SCYL2: variants seen among roughly 807,000 people sequenced by gnomAD.
SCYL2 encodes the protein SCY1-like protein 2.
A neutral mutation model predicts 100.4 loss-of-function variants in SCYL2; 36 were observed. The observed-to-expected ratio is 0.36, with a 90% CI of 0.27 to 0.47. The LOEUF (loss-of-function observed/expected upper bound fraction) is 0.47, where lower values mean the gene tolerates loss of function less well. Among genes scored for constraint, SCYL2 ranks in the 20% least tolerant of loss-of-function variants. SCYL2 has a pLI of 1.00. For synonymous variants in SCYL2, 330 were observed against 359.2 expected (o/e 0.92, Z 0.92); for missense variants, 902 against 1,083.9 (o/e 0.83, Z 2.36).
At chr12:100,308,415 C>T (rs1218078909) in intron 4 of SCYL2, among the ~76,000 whole-genome samples, 1 of 152,106 alleles carries the variant, frequency 6.6e-6, no homozygotes. Context: ...CATGTTCTCA[C>T]TTATAAGTGG....
intron 4 of SCYL2, among the ~76,000 whole-genome samples, chr12:100,305,741 G>C (rs1178185001): frequency 8.7e-6 from 1 of 115,596 alleles, no homozygotes; most frequent in Non-Finnish European, 1.8e-5. Flanking sequence ...TTTTTTTAAA[G>C]ATTAACAAAA....
chr12:100,288,095 A>C (rs895424215), intron 2 of SCYL2, among the ~76,000 whole-genome samples: 31 of 152,324 alleles, frequency 2.0e-4, no homozygotes, highest in Admixed American at 1.8e-3. Flanking sequence ...TTCTGATGAA[A>C]GGCTTTGTAC....
At chr12:100,296,351 T>G (rs1375257393) in intron 3 of SCYL2, among the ~76,000 whole-genome samples, 2 of 152,138 alleles carry the variant, frequency 1.3e-5, no homozygotes, top group Non-Finnish European at 2.9e-5. Context: ...AGTCCAGAGT[T>G]GGTGATGTAT....
At chr12:100,291,153 C>T (rs999636562) in intron 2 of SCYL2, among the ~76,000 whole-genome samples, 2 of 152,152 alleles carry the variant, frequency 1.3e-5, no homozygotes, top group Non-Finnish European at 2.9e-5. Flanking sequence ...GTATACTTCA[C>T]GATTATCATT....
intron 12 of SCYL2, chr12:100,327,064 A>G: frequency 3.2e-6 from 1 of 313,980 alleles, no homozygotes. Context: ...TGGTCTTAGT[A>G]GTAATATCTG....
chr12:100,325,848 C>G (rs2096361129), intron 11 of SCYL2, among the ~76,000 whole-genome samples: 1 of 151,864 alleles, frequency 6.6e-6, no homozygotes, highest in Non-Finnish European at 1.5e-5. Context: ...TTTATAATAT[C>G]TCTTGTGTTT....
chr12:100,272,059 T>G (rs2096288243), intron 1 of SCYL2, among the ~76,000 whole-genome samples: 1 of 152,158 alleles, frequency 6.6e-6, no homozygotes, highest in African/African-American at 2.4e-5. Context: ...CTGGTTCTAT[T>G]GAAAGCCAGG....
chr12:100,298,613 G>C (rs775610932), intron 4 of SCYL2, among the ~76,000 whole-genome samples: 1 of 150,336 alleles, frequency 6.7e-6, no homozygotes, highest in Non-Finnish European at 1.5e-5. Context: ...GCAATGGCAC[G>C]ATCTCAGCTC....
At chr12:100,309,106 TTG>T (rs143410251) in intron 4 of SCYL2, among the ~76,000 whole-genome samples, 7,956 of 147,514 alleles carry the variant, frequency 0.054, 287 homozygotes, top group African/African-American at 0.1. Context: ...GTATTTTGAT[TTG>T]TGTGTGTGTG....
intron 1 of SCYL2, among the ~76,000 whole-genome samples, chr12:100,271,457 A>G (rs2096287628): frequency 6.6e-6 from 1 of 152,216 alleles, no homozygotes; most frequent in African/African-American, 2.4e-5. Flanking sequence ...ACAAAAATTC[A>G]TTGAATAACT....
chr12:100,322,462 A>G (rs2096357250), intron 10 of SCYL2, among the ~76,000 whole-genome samples: 1 of 152,072 alleles, frequency 6.6e-6, no homozygotes, highest in Admixed American at 6.5e-5. Context: ...AAAATTATTA[A>G]ACACTCTTTT....
chr12:100,280,260 T>C (rs1052659373), intron 1 of SCYL2, among the ~76,000 whole-genome samples: 2 of 152,252 alleles, frequency 1.3e-5, no homozygotes, highest in Non-Finnish European at 2.9e-5. Context: ...AGTAATATTT[T>C]TAAATGTATG....
In SCYL2 at chr12:100,296,617, TTAC is replaced by T. The variant is rs1409230019; in HGVS notation, c.336-1413_336-1411del. ...GAAGATAAGGACAGAGAAGAATCCA[TTAC>T]ATTTGACCAGTGAGAAGTTGTTAGT... is the stretch of plus-strand genomic sequence containing the variant. On this transcript the variant is annotated intron_variant, in intron 3 of 17. Transcript: ENST00000360820. 6 of 152,290 alleles carry T rather than the reference TTAC, an allele frequency of 3.9e-5. 1 individual carries two copies. The Middle Eastern group carries it at 0.014, about 345-fold the overall frequency. The allele number at this position is 152,290 out of a possible 1,614,324, so 9.4% of individuals were successfully genotyped here.
At chr12:100,329,378 A>C (rs1952180276) in intron 13 of SCYL2, 59 bp downstream of exon 13, 1 of 743,284 alleles carries the variant, frequency 1.3e-6, no homozygotes, top group African/African-American at 1.7e-5. Flanking sequence ...TTGGCATTAG[A>C]TATATAAATA....
chr12:100,292,837 G>C (rs1375222300), intron 3 of SCYL2, among the ~76,000 whole-genome samples: 1 of 152,094 alleles, frequency 6.6e-6, no homozygotes, highest in Non-Finnish European at 1.5e-5. Context: ...GATTGATCGA[G>C]ACAAGAGTCT....
At chr12:100,306,664 A>G (rs2096334737) in intron 4 of SCYL2, among the ~76,000 whole-genome samples, 1 of 152,224 alleles carries the variant, frequency 6.6e-6, no homozygotes, top group Admixed American at 6.5e-5. Context: ...AGGCAAGAGA[A>G]TGAAATAAAG....
At chr12:100,315,486 C>G (rs2096347423) in intron 8 of SCYL2, 72 bp from the exon 9 acceptor site, 1 of 1,267,816 alleles carries the variant, frequency 7.9e-7, no homozygotes, top group African/African-American at 1.5e-5. Context: ...GGTTTTAGAC[C>G]TTAGTGTTAA....
intron 3 of SCYL2, among the ~76,000 whole-genome samples, chr12:100,294,332 G>A (rs2096314737): frequency 8.8e-6 from 1 of 114,140 alleles, no homozygotes; most frequent in Non-Finnish European, 1.9e-5. Context: ...AGGGGCGGCT[G>A]GGCAGAGGCG....
intron 1 of SCYL2, among the ~76,000 whole-genome samples, chr12:100,274,253 A>G (rs828928): frequency 1.3e-5 from 2 of 152,242 alleles, no homozygotes; most frequent in African/African-American, 2.4e-5. Flanking sequence ...TTGTGTATCC[A>G]ATAATTTTGA....
Sources: gnomAD v4.1 joint callset for allele counts (sites outside exome capture counted in the v4.1 genomes callset) on GRCh38, gnomAD v4.1.1 for gene constraint, MANE v1.5 for transcripts, NCBI Gene and HGNC (gene_info 2026-07-23, HGNC 2026-07-21) for gene names.